The following LAMA3 variants were observed in gnomAD, a reference collection of about 807,000 sequenced individuals.
The protein encoded by LAMA3 is laminin subunit alpha 3, also known as laminin subunit alpha-3.
LAMA3 carries 281 observed loss-of-function variants against 402.0 expected under a neutral mutation model. The ratio of observed to expected loss-of-function variants is 0.70; its 90% CI spans 0.63 to 0.77. LAMA3 has a LOEUF of 0.77. Ranked by LOEUF, LAMA3 falls within the 30% of genes least tolerant of loss-of-function variation. The pLI is 0.00. For missense variants in LAMA3, 3,840 were observed against 4,215.5 expected (o/e 0.91, Z 2.47); for synonymous variants, 1,431 against 1,558.4 (o/e 0.92, Z 1.93).
At chr18:23,790,919 C>T (rs986531631) in intron 12 of LAMA3, among the ~76,000 whole-genome samples, 1 of 150,926 alleles carries the variant, frequency 6.6e-6, no homozygotes, top group African/African-American at 2.4e-5. Context: ...GACAGAGTCT[C>T]GCTCTGTCAC....
At chr18:23,754,988 ATGT>A (rs915365804) in intron 6 of LAMA3, among the ~76,000 whole-genome samples, 2 of 152,156 alleles carry the variant, frequency 1.3e-5, no homozygotes, top group Admixed American at 6.5e-5. Context: ...ATAACCCTTA[ATGT>A]TGTTGTTCCC....
intron 46 of LAMA3, 77 bp from the exon 47 acceptor site, chr18:23,899,211 T>A: frequency 7.2e-7 from 1 of 1,381,988 alleles, no homozygotes; most frequent in Non-Finnish European, 1.0e-6. Context: ...CCATAGAAGT[T>A]TCTACCTTTT....
At position 23,869,726 on chromosome 18, in the gene LAMA3, T is replaced by G. The variant is rs188763643; in HGVS notation, c.4768-1705T>G. Among the ~76,000 whole-genome samples the G allele has an allele frequency of 2.0e-5, 3 of 152,264 alleles. No individual in the cohort carries two copies. The East Asian group carries it at 5.8e-4, about 29-fold the overall frequency. On this transcript the variant is annotated intron_variant, in intron 37 of 74. Coordinates refer to ENST00000313654, the MANE Select transcript of LAMA3 (RefSeq NM_198129.4). ...GGTATTACTGTGCCTATTTAAGAGA[T>G]GTAAAAACTGAGTTCAACAAGGGCA... is the stretch of plus-strand genomic sequence containing the variant.
At chr18:23,782,026 AT>A (rs2062447148) in intron 11 of LAMA3, among the ~76,000 whole-genome samples, 1 of 152,232 alleles carries the variant, frequency 6.6e-6, no homozygotes, top group Non-Finnish European at 1.5e-5. Context: ...TTAGAAAAAA[AT>A]AATTCCACAA....
At chr18:23,812,507 T>C (rs1355542236) in intron 13 of LAMA3, among the ~76,000 whole-genome samples, 1 of 152,240 alleles carries the variant, frequency 6.6e-6, no homozygotes, top group Non-Finnish European at 1.5e-5. Context: ...CTTACCCAGT[T>C]CAAACACTGT....
At chr18:23,767,640 C>T (rs1379634389) in intron 8 of LAMA3, among the ~76,000 whole-genome samples, 5 of 144,658 alleles carry the variant, frequency 3.5e-5, no homozygotes, top group African/African-American at 5.2e-5. Flanking sequence ...TGCAGTGGCA[C>T]GATCTGGGCT....
In LAMA3 at chr18:23,774,466, G is replaced by T. The variant is rs1322635530; in HGVS notation, c.1273+879G>T. The stretch of plus-strand genomic sequence containing the variant: ...GTCTGAGTAGTTATATATAATTTAG[G>T]CTAGGTGACAAAACCGCTAACTGCT... On this transcript the variant is annotated intron_variant, in intron 9 of 74. Coordinates refer to ENST00000313654, the MANE Select transcript of LAMA3 (RefSeq NM_198129.4). Among the ~76,000 whole-genome samples the T allele has an allele frequency of 2.6e-5, 4 of 152,058 alleles. No individual in the cohort carries two copies. The East Asian group carries it at 7.7e-4, about 29-fold the overall frequency.
At chr18:23,773,065 G>A (rs1205061265) in intron 8 of LAMA3, among the ~76,000 whole-genome samples, 5 of 152,240 alleles carry the variant, frequency 3.3e-5, no homozygotes. Context: ...ATCTGTATAT[G>A]TTATTCCTTC....
At chr18:23,763,546 G>A (rs1403517052) in intron 8 of LAMA3, 23 bp downstream of exon 8, 3 of 1,351,684 alleles carry the variant, frequency 2.2e-6, no homozygotes, top group Admixed American at 3.4e-5. Flanking sequence ...TTAAATCAAA[G>A]TGGATGTGTT....
At chr18:23,873,527 G>A (rs2064603561) in intron 38 of LAMA3, among the ~76,000 whole-genome samples, 1 of 152,172 alleles carries the variant, frequency 6.6e-6, no homozygotes, top group South Asian at 2.1e-4. Flanking sequence ...CAGAACAAAA[G>A]AGTCCAATGC....
intron 8 of LAMA3, among the ~76,000 whole-genome samples, chr18:23,769,196 A>C (rs1174717917): frequency 1.3e-5 from 2 of 152,162 alleles, no homozygotes; most frequent in African/African-American, 4.8e-5. Flanking sequence ...CTACCTTCCC[A>C]ACCCCTCTTT....
chr18:23,952,595 A>G (rs1427222960), intron 73 of LAMA3, among the ~76,000 whole-genome samples: 2 of 152,326 alleles, frequency 1.3e-5, no homozygotes, highest in Non-Finnish European at 2.9e-5. Flanking sequence ...TGTCTTTGGC[A>G]TCAGCTTTCA....
In LAMA3 at chr18:23,793,319, A is replaced by G. The variant is rs544638668; in HGVS notation, c.1603+9162A>G. On this transcript the variant is annotated intron_variant, in intron 12 of 74. Transcript: ENST00000313654. Reference sequence around the variant, plus strand: ...GGAGGGTTGTTTACTATCTCTGGGAATTGGCTTACCCTGGGAGGGGCAGTC... The same window carrying G: ...GGAGGGTTGTTTACTATCTCTGGGAGTTGGCTTACCCTGGGAGGGGCAGTC... Among the ~76,000 whole-genome samples, 475 of 152,112 alleles carry G rather than the reference A, an allele frequency of 3.1e-3. 2 individuals carry two copies. Among genetic ancestry groups the G allele is most frequent in the Non-Finnish European group, 2.4e-3 (165 of 67,950 alleles).
At chr18:23,772,364 C>T (rs2062219804) in intron 8 of LAMA3, among the ~76,000 whole-genome samples, 1 of 152,068 alleles carries the variant, frequency 6.6e-6, no homozygotes, top group Admixed American at 6.5e-5. Context: ...AACTCACTCC[C>T]TAGTTGTGTC....
chr18:23,903,392 T>A (rs117228595), intron 49 of LAMA3, among the ~76,000 whole-genome samples: 3,248 of 152,344 alleles, frequency 0.021, 54 homozygotes, highest in Middle Eastern at 0.037. Context: ...ATGCTATTTT[T>A]AAAATATCAA....
intron 70 of LAMA3, among the ~76,000 whole-genome samples, chr18:23,948,006 G>A (rs1233613306): frequency 6.6e-6 from 1 of 151,936 alleles, no homozygotes; most frequent in Non-Finnish European, 1.5e-5. Context: ...TAGAGACGGG[G>A]TTTCACCGTG....
intron 9 of LAMA3, among the ~76,000 whole-genome samples, chr18:23,775,486 AACCCCTCT>A (rs2062295014): frequency 1.1e-5 from 1 of 91,160 alleles, no homozygotes; most frequent in Non-Finnish European, 2.3e-5. Flanking sequence ...CCCCACCCCC[AACCCCTCT>A]GACTGTAGCA....
rs1447187543 is a variant in LAMA3 at position 23,905,568 on chromosome 18, C to G, written c.6662C>G (p.Ser2221Cys). ...CCAAGAAAAGCTAAAACCCTGAGTT[C>G]CAACAGTGATAAACTGTTAAATGAA... ...DLPRKAKTLS[S>C]NSDKLLNEAK... The change falls in exon 52 of 75, where the codon TCC (serine) becomes TGC (cysteine). Residue 2221 changes from serine (S) to cysteine (C), a missense_variant. Coordinates refer to ENST00000313654, the MANE Select transcript of LAMA3 (RefSeq NM_198129.4). 6.2e-7 allele frequency: 1 copy of G among 1,612,162 alleles called. No homozygotes were observed. Among genetic ancestry groups the G allele is most frequent in the Non-Finnish European group, 8.5e-7 (1 of 1,178,614 alleles).
At chr18:23,935,473 G>T (rs2082284672) in intron 67 of LAMA3, among the ~76,000 whole-genome samples, 1 of 152,158 alleles carries the variant, frequency 6.6e-6, no homozygotes, top group Admixed American at 6.6e-5. Context: ...TAAGCCCCCA[G>T]TTTGGATGGA....
Sources: gnomAD v4.1 joint callset for allele counts (sites outside exome capture counted in the v4.1 genomes callset) on GRCh38, gnomAD v4.1.1 for gene constraint, MANE v1.5 for transcripts, NCBI Gene and HGNC (gene_info 2026-07-23, HGNC 2026-07-21) for gene names.